EML5: variants seen among roughly 807,000 people sequenced by gnomAD.
The protein encoded by EML5 is echinoderm microtubule-associated protein-like 5.
A neutral mutation model predicts 250.0 loss-of-function variants in EML5; 120 were observed. That is an observed-to-expected ratio of 0.48 (90% CI 0.41 to 0.56). EML5 has a LOEUF of 0.56. Ranked by LOEUF, EML5 falls within the 20% of genes least tolerant of loss-of-function variation. EML5 has a pLI of 0.00. For synonymous variants in EML5, 771 were observed against 806.5 expected (o/e 0.96, Z 0.75); for missense variants, 2,006 against 2,437.6 (o/e 0.82, Z 3.73).
chr14:88,705,022 T>C (rs1295602172), intron 12 of EML5, 44 bp from the exon 13 acceptor site: 1 of 1,343,532 alleles, frequency 7.4e-7, no homozygotes, highest in Non-Finnish European at 1.0e-6. Context: ...GAATATATAC[T>C]AATAAAGGTG....
intron 8 of EML5, among the ~76,000 whole-genome samples, chr14:88,715,496 G>T (rs896634838): frequency 5.3e-5 from 8 of 152,070 alleles, no homozygotes; most frequent in Non-Finnish European, 1.0e-4. Context: ...TAAAGTAATA[G>T]ATTTTTATGG....
intron 27 of EML5, among the ~76,000 whole-genome samples, chr14:88,655,027 T>C (rs935625281): frequency 2.0e-5 from 3 of 152,138 alleles, no homozygotes; most frequent in Non-Finnish European, 4.4e-5. Context: ...TACCATTATG[T>C]AATGCCCTTC....
At chr14:88,643,883 C>T (rs141510097) in intron 30 of EML5, among the ~76,000 whole-genome samples, 66 of 152,262 alleles carry the variant, frequency 4.3e-4, no homozygotes, top group African/African-American at 1.5e-3. Context: ...CACAGCTTTA[C>T]GCCTTGTTTA....
chr14:88,689,876 A>G (rs1427821982), intron 17 of EML5, among the ~76,000 whole-genome samples: 3 of 152,240 alleles, frequency 2.0e-5, no homozygotes, highest in Non-Finnish European at 4.4e-5. Flanking sequence ...CAGTCAATAA[A>G]TGTAACAAGT....
chr14:88,704,661 T>A (rs1355636528), intron 13 of EML5, among the ~76,000 whole-genome samples, 199 bp downstream of exon 13: 5 of 152,190 alleles, frequency 3.3e-5, no homozygotes, highest in African/African-American at 9.7e-5. Flanking sequence ...CCAGATATTT[T>A]AAAAAATATC....
intron 11 of EML5, 90 bp downstream of exon 11, chr14:88,706,169 C>A (rs2093314106): frequency 8.0e-7 from 1 of 1,242,868 alleles, no homozygotes; most frequent in Non-Finnish European, 1.1e-6. Context: ...ACTTATGAGG[C>A]CAGATTATAC....
chr14:88,768,587 T>C (rs2094350646), intron 1 of EML5, among the ~76,000 whole-genome samples: 1 of 152,230 alleles, frequency 6.6e-6, no homozygotes, highest in African/African-American at 2.4e-5. Context: ...ATTTTTTGTA[T>C]TTTTAGTACA....
In EML5 at chr14:88,792,664, C is replaced by T; in HGVS notation, c.-161G>A. On this transcript the variant is annotated 5_prime_UTR_variant, in exon 1 of 44. Transcript: ENST00000554922. The surrounding 1 kb of genome is among the most constrained non-coding windows in gnomAD (Gnocchi z 6.9). ...TGCATCTCGTTTCGGGGGCCGCCGC[C>T]GCCTCAGCCCACAGGCGGGAGGAAA... The T allele has an allele frequency of 8.7e-7, 1 of 1,146,340 alleles. No individual in the cohort carries two copies. The highest frequency in any genetic ancestry group is 1.1e-6 in the Non-Finnish European group (1 of 934,406). 71.0% of individuals were successfully genotyped at this position (1,146,340 alleles called of 1,614,324 possible).
intron 26 of EML5, 24 bp downstream of exon 26, chr14:88,658,163 T>C (rs2091940863): frequency 1.2e-6 from 2 of 1,611,006 alleles, no homozygotes; most frequent in East Asian, 2.2e-5. Flanking sequence ...TATATTTTTG[T>C]TCAAGTATTA....
intron 16 of EML5, 118 bp from the exon 17 acceptor site, chr14:88,694,525 C>G (rs2093031772): frequency 7.1e-6 from 5 of 699,778 alleles, no homozygotes; most frequent in Non-Finnish European, 9.4e-6. Context: ...TCCCACTTAT[C>G]TCTCAGGTTT....
intron 15 of EML5, among the ~76,000 whole-genome samples, chr14:88,696,538 C>A (rs920263889): frequency 4.6e-5 from 7 of 152,156 alleles, no homozygotes; most frequent in Admixed American, 1.3e-4. Context: ...GCCCTCCCAG[C>A]GTGGGAGATG....
At chr14:88,671,090 C>T (rs2092450632) in intron 21 of EML5, among the ~76,000 whole-genome samples, 2 of 152,042 alleles carry the variant, frequency 1.3e-5, no homozygotes, top group Admixed American at 6.6e-5. Flanking sequence ...GAAGATCAAC[C>T]CCATGATACA....
intron 7 of EML5, among the ~76,000 whole-genome samples, chr14:88,731,867 C>A (rs549767135): frequency 6.6e-6 from 1 of 152,240 alleles, no homozygotes; most frequent in Non-Finnish European, 1.5e-5. Context: ...TAAATGTCTT[C>A]TTTTGAGAAG....
At chr14:88,635,794 T>A (rs2090691329) in intron 32 of EML5, among the ~76,000 whole-genome samples, 1 of 152,096 alleles carries the variant, frequency 6.6e-6, no homozygotes, top group Non-Finnish European at 1.5e-5. Flanking sequence ...TGTGATGGTA[T>A]TAGGAGGTGT....
At chr14:88,724,042 G>A (rs753281294) in intron 8 of EML5, among the ~76,000 whole-genome samples, 22 of 151,728 alleles carry the variant, frequency 1.4e-4, no homozygotes, top group African/African-American at 3.4e-4. Flanking sequence ...AGGCCGAGGC[G>A]GGCAGATCAC....
intron 13 of EML5, 131 bp from the exon 14 acceptor site, chr14:88,702,763 T>C: frequency 1.6e-6 from 1 of 641,168 alleles, no homozygotes; most frequent in Non-Finnish European, 2.4e-6. Flanking sequence ...ACTAAACAAT[T>C]TTTTTTCAAG....
In EML5 at chr14:88,627,649, C is replaced by T. The variant is rs1348412450; in HGVS notation, c.4528G>A (p.Glu1510Lys). Residue 1510 changes from glutamate to lysine, a missense_variant, in exon 34 of 44, where the codon GAA (glutamate) becomes AAA (lysine). This residue lies in a region of EML5 where 405 missense variants were observed against 523.3 expected (regional missense o/e 0.77). Coordinates refer to ENST00000554922, the MANE Select transcript of EML5 (RefSeq NM_183387.3). ...CAAACACACAAAAGAATCCTACCTT[C>T]CTGCCATCTCCAAATGGTAATAGTA... is the stretch of plus-strand genomic sequence containing the variant. The part of the protein sequence containing the change: ...EHTITIWRWQ[E>K]GAKIASRAGH... 6.3e-7 allele frequency: 1 copy of T among 1,595,222 alleles called. No homozygotes were observed. Among genetic ancestry groups the T allele is most frequent in the Admixed American group, 1.8e-5 (1 of 54,606 alleles).
intron 8 of EML5, among the ~76,000 whole-genome samples, chr14:88,723,073 C>T (rs1302098982): frequency 6.6e-6 from 1 of 152,028 alleles, no homozygotes; most frequent in Non-Finnish European, 1.5e-5. Flanking sequence ...AAGTGTCCAT[C>T]AATGTACACA....
chr14:88,751,460 C>T (rs550923046), intron 2 of EML5, among the ~76,000 whole-genome samples: 5 of 151,408 alleles, frequency 3.3e-5, no homozygotes, highest in East Asian at 3.9e-4. Context: ...AACTGGAAAG[C>T]GGCAAGAGAC....
Sources: allele counts gnomAD v4.1 joint callset (sites outside exome capture counted in the v4.1 genomes callset), GRCh38; gene constraint gnomAD v4.1.1; regional missense constraint gnomAD v4.1.1; non-coding constraint Gnocchi (gnomAD v3.1); transcripts MANE v1.5; gene names NCBI Gene and HGNC (gene_info 2026-07-23, HGNC 2026-07-21).